The following NBEA variants were observed in gnomAD, a reference collection of about 807,000 sequenced individuals.
The protein encoded by NBEA is neurobeachin.
In NBEA, 44 loss-of-function variants were observed where a neutral mutation model predicts 343.4. That is an observed-to-expected ratio of 0.13 (90% CI 0.10 to 0.16). NBEA has a LOEUF of 0.16. Among genes scored for constraint, NBEA ranks in the 10% least tolerant of loss-of-function variants. The pLI is 1.00. For missense variants in NBEA, 2,555 were observed against 3,631.3 expected (o/e 0.70, Z 7.62); for synonymous variants, 1,175 against 1,238.7 (o/e 0.95, Z 1.08).
chr13:35,369,083 T>A (rs1351916283), intron 38 of NBEA, among the ~76,000 whole-genome samples: 1 of 151,676 alleles, frequency 6.6e-6, no homozygotes, highest in East Asian at 1.9e-4. Flanking sequence ...ACATCTTTAG[T>A]TCCTTTTTTT....
chr13:35,582,891 A>G lies in NBEA; in HGVS notation c.7036-1007A>G, dbSNP rs571838776. Among the ~76,000 whole-genome samples, 6 of 152,284 alleles carry G rather than the reference A, an allele frequency of 3.9e-5. No homozygotes were observed. In the East Asian group the frequency reaches 1.2e-3, roughly 29 times the overall value. On this transcript the variant is annotated intron_variant, in intron 45 of 58. Coordinates refer to ENST00000379939, the MANE Select transcript of NBEA (RefSeq NM_001385012.1). Reference sequence around the variant, plus strand: ...ACATTATGTGTCCCTTTGAAACACTAATTTTCTACTACTTCTCTTGTTAAA... The same window carrying G: ...ACATTATGTGTCCCTTTGAAACACTGATTTTCTACTACTTCTCTTGTTAAA...
intron 41 of NBEA, among the ~76,000 whole-genome samples, chr13:35,510,126 C>A (rs1341303454): frequency 6.6e-6 from 1 of 152,146 alleles, no homozygotes; most frequent in Non-Finnish European, 1.5e-5. Context: ...TCAGAGGTGA[C>A]TCCAGAATTT....
chr13:35,171,138 G>A, intron 25 of NBEA, 134 bp from the exon 26 acceptor site: 1 of 873,354 alleles, frequency 1.1e-6, no homozygotes, highest in Non-Finnish European at 1.9e-6. Flanking sequence ...TATGGAATTA[G>A]TTGAACATTT....
chr13:35,208,505 C>A (rs1340337155), intron 31 of NBEA, among the ~76,000 whole-genome samples, 195 bp from the exon 32 acceptor site: 1 of 152,092 alleles, frequency 6.6e-6, no homozygotes, highest in East Asian at 1.9e-4. Context: ...ATCAATTAGG[C>A]AACACACTTT....
At chr13:35,421,052 G>C (rs2044240841) in intron 38 of NBEA, among the ~76,000 whole-genome samples, 1 of 151,348 alleles carries the variant, frequency 6.6e-6, no homozygotes, top group South Asian at 2.1e-4. Flanking sequence ...TGCCTTTTAT[G>C]TGTTCTTAAG....
At chr13:35,589,284 T>C (rs2153041683) in intron 46 of NBEA, among the ~76,000 whole-genome samples, 1 of 152,236 alleles carries the variant, frequency 6.6e-6, no homozygotes, top group East Asian at 1.9e-4. Context: ...GGTTCCTCCA[T>C]TTGTTAGAAT....
intron 41 of NBEA, among the ~76,000 whole-genome samples, chr13:35,516,341 C>T (rs1190133506): frequency 6.6e-6 from 1 of 152,004 alleles, no homozygotes; most frequent in Non-Finnish European, 1.5e-5. Flanking sequence ...CATACACAGA[C>T]ATGCATAGCA....
At chr13:35,166,740 T>G (rs568303) in intron 24 of NBEA, among the ~76,000 whole-genome samples, 11,188 of 152,136 alleles carry the variant, frequency 0.074, 911 homozygotes, top group African/African-American at 0.19. Context: ...TTTGTATTAC[T>G]GGGTTGTATA....
At chr13:34,985,192 T>C (rs900813607) in intron 1 of NBEA, among the ~76,000 whole-genome samples, 17 of 151,004 alleles carry the variant, frequency 1.1e-4, no homozygotes, top group African/African-American at 4.1e-4. Context: ...AAATAGCTCT[T>C]ATTATTTTGA....
chr13:35,341,784 G>T, intron 36 of NBEA, among the ~76,000 whole-genome samples: 1 of 152,150 alleles, frequency 6.6e-6, no homozygotes, highest in South Asian at 2.1e-4. Flanking sequence ...GTGAGAATGT[G>T]AAATAGTACA....
At chr13:35,433,900 A>G (rs1381851497) in intron 39 of NBEA, among the ~76,000 whole-genome samples, 2 of 152,054 alleles carry the variant, frequency 1.3e-5, no homozygotes, top group Non-Finnish European at 2.9e-5. Flanking sequence ...CATTTAACCA[A>G]TAATTTAGAC....
intron 18 of NBEA, among the ~76,000 whole-genome samples, chr13:35,153,566 T>C (rs1357817808): frequency 2.0e-4 from 30 of 152,202 alleles, no homozygotes; most frequent in Admixed American, 2.0e-3. Flanking sequence ...ACCTTTATAT[T>C]TGAATATGTT....
chr13:35,384,807 T>C (rs1274350047), intron 38 of NBEA, among the ~76,000 whole-genome samples: 1 of 152,144 alleles, frequency 6.6e-6, no homozygotes, highest in African/African-American at 2.4e-5. Flanking sequence ...ATTATAGGCG[T>C]GAGCCACCGC....
intron 35 of NBEA, among the ~76,000 whole-genome samples, chr13:35,302,493 C>G (rs1014490077): frequency 4.6e-5 from 7 of 152,136 alleles, no homozygotes; most frequent in African/African-American, 1.7e-4. Context: ...CTGAATTATA[C>G]TCTCTTAATA....
intron 41 of NBEA, among the ~76,000 whole-genome samples, chr13:35,541,585 A>G (rs560552009): frequency 1.8e-4 from 27 of 152,182 alleles, no homozygotes; most frequent in African/African-American, 6.3e-4. Flanking sequence ...TGATTCCAAT[A>G]ATGTCTAGGA....
At chr13:35,547,677 C>T (rs553616847) in intron 41 of NBEA, among the ~76,000 whole-genome samples, 5 of 152,210 alleles carry the variant, frequency 3.3e-5, no homozygotes, top group African/African-American at 1.2e-4. Context: ...CATTTGAGAT[C>T]AGGAGTTCGA....
At chr13:35,513,302 ATTT>A (rs754363500) in intron 41 of NBEA, among the ~76,000 whole-genome samples, 8,617 of 71,692 alleles carry the variant, frequency 0.12, 444 homozygotes, top group East Asian at 0.33. Context: ...ACACCTGGCA[ATTT>A]TTTTTTTTTT....
chr13:35,028,710 T>C (rs557750703), intron 1 of NBEA, among the ~76,000 whole-genome samples: 16 of 151,926 alleles, frequency 1.1e-4, no homozygotes, highest in Admixed American at 6.6e-4. Flanking sequence ...CTGTCAACAC[T>C]GTCTGCATTC....
intron 40 of NBEA, among the ~76,000 whole-genome samples, chr13:35,460,555 A>G (rs545277210): frequency 1.3e-5 from 2 of 152,182 alleles, no homozygotes; most frequent in South Asian, 4.1e-4. Context: ...TCTTTTCATT[A>G]TTTTCAAAAA....
Sources: allele counts gnomAD v4.1 joint callset (sites outside exome capture counted in the v4.1 genomes callset), GRCh38; gene constraint gnomAD v4.1.1; transcripts MANE v1.5; gene names NCBI Gene and HGNC (gene_info 2026-07-23, HGNC 2026-07-21).